TANK: variants seen among roughly 807,000 people sequenced by gnomAD.
TANK encodes the protein TRAF family member associated NFKB activator.
Under a neutral mutation model 43.6 loss-of-function variants are expected in TANK, and 15 were observed. That is an observed-to-expected ratio of 0.34 (90% CI 0.23 to 0.53). The LOEUF is 0.53. TANK is among the 20% of genes least tolerant of loss of function. TANK has a pLI of 0.94. For missense variants in TANK, 417 were observed against 498.6 expected (o/e 0.84, Z 1.56); for synonymous variants, 162 against 178.2 (o/e 0.91, Z 0.73).
chr2:161,224,277 A>G (rs1014886226), intron 5 of TANK, among the ~76,000 whole-genome samples: 4 of 152,060 alleles, frequency 2.6e-5, no homozygotes, highest in African/African-American at 9.6e-5. Flanking sequence ...GAACCTTACC[A>G]AAATGAGGAA....
At chr2:161,174,435 C>T (rs1685090332) in intron 1 of TANK, among the ~76,000 whole-genome samples, 1 of 152,000 alleles carries the variant, frequency 6.6e-6, no homozygotes, top group Non-Finnish European at 1.5e-5. Flanking sequence ...TGCTTCTCAC[C>T]ATTGTGAAAT....
upstream of TANK, chr2:161,160,394 G>A: frequency 2.4e-6 from 3 of 1,241,382 alleles, no homozygotes; most frequent in South Asian, 1.1e-4. Context: ...ACTGCCCTCT[G>A]AACTGGAACA....
At chr2:161,225,540 A>G (rs1056599952) in intron 6 of TANK, among the ~76,000 whole-genome samples, 1 of 152,178 alleles carries the variant, frequency 6.6e-6, no homozygotes, top group Non-Finnish European at 1.5e-5. Flanking sequence ...TGTTTGCTTC[A>G]GTAGTTCTAT....
intron 4 of TANK, chr2:161,207,595 G>C (rs1281686902): frequency 1.0e-6 from 1 of 985,316 alleles, no homozygotes; most frequent in East Asian, 1.1e-4. Flanking sequence ...AGAGTTGGCT[G>C]TGTGCTTAGT....
At chr2:161,144,447 A>G (rs1279446670) in intron 1 of TANK, among the ~76,000 whole-genome samples, 1 of 152,212 alleles carries the variant, frequency 6.6e-6, no homozygotes, top group Non-Finnish European at 1.5e-5. Flanking sequence ...ATTTAGTGCT[A>G]TAAACTTCCC....
chr2:161,141,658 G>T (rs1683750385), intron 1 of TANK, among the ~76,000 whole-genome samples: 1 of 152,156 alleles, frequency 6.6e-6, no homozygotes, highest in African/African-American at 2.4e-5. Flanking sequence ...CAAAGGACAT[G>T]ATCTCATTCT....
chr2:161,207,287 T>C (rs902154327), intron 4 of TANK: 1 of 550,332 alleles, frequency 1.8e-6, no homozygotes, highest in Non-Finnish European at 2.3e-6. Flanking sequence ...GGGCAGACGG[T>C]AAGAGGAAAA....
intron 1 of TANK, among the ~76,000 whole-genome samples, chr2:161,148,487 T>G (rs1683979601): frequency 6.6e-6 from 1 of 152,210 alleles, no homozygotes; most frequent in South Asian, 2.1e-4. Flanking sequence ...GTCTTTTCAG[T>G]GTCTTGACAT....
intron 2 of TANK, among the ~76,000 whole-genome samples, chr2:161,184,281 A>G (rs1158111434): frequency 1.3e-5 from 2 of 152,174 alleles, no homozygotes; most frequent in Non-Finnish European, 2.9e-5. Flanking sequence ...ACAGTGGGAT[A>G]GAGATAGATA....
At chr2:161,143,724 T>G (rs1683819169) in intron 1 of TANK, among the ~76,000 whole-genome samples, 1 of 152,222 alleles carries the variant, frequency 6.6e-6, no homozygotes, top group African/African-American at 2.4e-5. Context: ...TGCCAGTACT[T>G]TATTGAGGAT....
chr2:161,203,385 G>T (rs1039397322), intron 2 of TANK, 102 bp from the exon 3 acceptor site: 4 of 716,996 alleles, frequency 5.6e-6, no homozygotes, highest in Non-Finnish European at 9.3e-6. Flanking sequence ...CCTGCAAAAT[G>T]ACAATGTGGG....
At chr2:161,157,872 C>T (rs182060140), upstream of TANK, among the ~76,000 whole-genome samples, 35 of 152,226 alleles carry the variant, frequency 2.3e-4, no homozygotes, top group African/African-American at 8.2e-4. Context: ...TCAGCAGAAA[C>T]GGGTTTTCAC....
upstream of TANK, chr2:161,156,242 T>C (rs906240944): frequency 1.0e-6 from 1 of 985,314 alleles, no homozygotes; most frequent in African/African-American, 1.7e-5. Context: ...TTTCAAGCTT[T>C]TACTCTAATC....
At chr2:161,191,280 C>T (rs2105320988) in intron 2 of TANK, among the ~76,000 whole-genome samples, 1 of 152,024 alleles carries the variant, frequency 6.6e-6, no homozygotes, top group Non-Finnish European at 1.5e-5. Flanking sequence ...GCACCACATG[C>T]TTATTTTTTT....
intron 4 of TANK, chr2:161,212,295 A>G: frequency 8.7e-6 from 7 of 807,796 alleles, no homozygotes; most frequent in Non-Finnish European, 1.0e-5. Flanking sequence ...GCCTGACCTG[A>G]AATGATCCAC....
chr2:161,201,964 T>G (rs1022964790), intron 2 of TANK, among the ~76,000 whole-genome samples: 1 of 152,208 alleles, frequency 6.6e-6, no homozygotes, highest in African/African-American at 2.4e-5. Context: ...TTTTAATTTT[T>G]CAGTGAACAT....
chr2:161,196,629 C>T (rs1231861276), intron 2 of TANK, among the ~76,000 whole-genome samples: 2 of 152,056 alleles, frequency 1.3e-5, no homozygotes, highest in Non-Finnish European at 2.9e-5. Context: ...CCGAGGCAGG[C>T]GGATCACTTG....
rs772912235 is a variant in TANK, at chr2:161,224,005, CT to C, written c.404+20del. The C allele has an allele frequency of 5.5e-5, 85 of 1,534,484 alleles. No homozygotes were observed. Among genetic ancestry groups the C allele is most frequent in the Admixed American group, 7.3e-5 (4 of 55,114 alleles). ...GCTCCATGAAAGGTAGTTCTACATC[CT>C]TTTTTCTCAACTCTTAAAAATTATC... On this transcript the variant is annotated intron_variant, in intron 5 of 7. Coordinates refer to ENST00000392749, the MANE Select transcript of TANK (RefSeq NM_001199135.3).
chr2:161,197,950 G>A (rs1432445817), intron 2 of TANK, among the ~76,000 whole-genome samples: 1 of 152,064 alleles, frequency 6.6e-6, no homozygotes, highest in African/African-American at 2.4e-5. Flanking sequence ...ATAAATGCAC[G>A]TGATACACAT....
Sources: allele counts gnomAD v4.1 joint callset (sites outside exome capture counted in the v4.1 genomes callset), GRCh38; gene constraint gnomAD v4.1.1; transcripts MANE v1.5; gene names NCBI Gene and HGNC (gene_info 2026-07-23, HGNC 2026-07-21).